DNAH3: variants seen among roughly 807,000 people sequenced by gnomAD.
The protein encoded by DNAH3 is axonemal beta dynein heavy chain 3.
In DNAH3, 332 loss-of-function variants were observed where a neutral mutation model predicts 432.5. The ratio of observed to expected loss-of-function variants is 0.77; its 90% CI spans 0.70 to 0.84. The LOEUF is 0.84. DNAH3 is among the 40% of genes least tolerant of loss of function. The pLI is 0.00. For synonymous variants in DNAH3, 1,956 were observed against 1,900.2 expected, an observed-to-expected ratio of 1.03 and a Z score of -0.76; for missense variants, 4,861 against 5,114.0, an observed-to-expected ratio of 0.95 and a Z score of 1.51.
At chr16:21,104,547 T>A in exon 16 of DNAH3, 1 of 1,613,964 alleles carries the variant, frequency 6.2e-7, no homozygotes, top group Non-Finnish European at 8.5e-7. Context: ...ATATCTTCAA[T>A]CTGGTCTGGC....
intron 19 of DNAH3, among the ~76,000 whole-genome samples, chr16:21,083,932 T>C (rs2091278593): frequency 6.6e-6 from 1 of 152,186 alleles, no homozygotes; most frequent in South Asian, 2.1e-4. Context: ...GGCTTCCATT[T>C]AGGGGCTCAC....
At chr16:20,999,613 G>A (rs1332310549) in intron 43 of DNAH3, among the ~76,000 whole-genome samples, 1 of 152,178 alleles carries the variant, frequency 6.6e-6, no homozygotes, top group Non-Finnish European at 1.5e-5. Context: ...GCTCCAGAAT[G>A]TTCTAGATAT....
rs2152647189 is a variant in DNAH3, at chr16:20,975,225, C to G, written c.8259+8G>C. On this transcript the variant is annotated splice_region_variant and intron_variant, in intron 51 of 61. Transcript: ENST00000261383. ...CCAGTTCCCTCCCTTTCTTCTCAGT[C>G]TTTCTACCTTGATTCCTTGGGCAAT... 1 of 1,612,598 alleles carries G rather than the reference C, an allele frequency of 6.2e-7. No homozygotes were observed. The highest frequency in any genetic ancestry group is 1.1e-5 in the South Asian group (1 of 90,960).
At chr16:20,945,424 G>GT (rs1410859730) in intron 57 of DNAH3, among the ~76,000 whole-genome samples, 1 of 151,708 alleles carries the variant, frequency 6.6e-6, no homozygotes, top group Non-Finnish European at 1.5e-5. Context: ...AGAAATAACT[G>GT]TAAGTATAAT....
intron 25 of DNAH3, among the ~76,000 whole-genome samples, chr16:21,060,892 C>T (rs1458854624): frequency 6.9e-6 from 1 of 144,906 alleles, no homozygotes; most frequent in Non-Finnish European, 1.5e-5. Flanking sequence ...GACTGGAGTG[C>T]GGTGGCACGA....
At chr16:21,024,980 A>G (rs969290073) in intron 38 of DNAH3, among the ~76,000 whole-genome samples, 2 of 152,204 alleles carry the variant, frequency 1.3e-5, no homozygotes, top group Admixed American at 1.3e-4. Context: ...GCTGGAGTAC[A>G]GTGGTGCAAT....
chr16:21,142,980 T>G (rs746046351), intron 3 of DNAH3, among the ~76,000 whole-genome samples: 89 of 152,190 alleles, frequency 5.8e-4, no homozygotes, highest in Non-Finnish European at 7.8e-4. Flanking sequence ...AATAAATTTT[T>G]AAGATCCTCC....
exon 53 of DNAH3, chr16:20,963,962 T>C (rs2084937152): frequency 1.2e-6 from 2 of 1,614,128 alleles, no homozygotes; most frequent in Non-Finnish European, 1.7e-6. Context: ...AGGTCCGAGA[T>C]ACAAAAGAAG....
At chr16:20,962,860 T>C (rs757994518) in intron 53 of DNAH3, among the ~76,000 whole-genome samples, 2 of 152,176 alleles carry the variant, frequency 1.3e-5, no homozygotes, top group Non-Finnish European at 2.9e-5. Context: ...GGTCTCACTA[T>C]GTTGCCCAGG....
At chr16:21,121,342 C>T (rs1200220129) in intron 10 of DNAH3, among the ~76,000 whole-genome samples, 3 of 152,176 alleles carry the variant, frequency 2.0e-5, no homozygotes, top group African/African-American at 7.2e-5. Context: ...CTGGAAAGGG[C>T]GTGGGCCAGG....
intron 53 of DNAH3, 147 bp downstream of exon 53, chr16:20,963,137 C>T (rs770424619): frequency 1.1e-4 from 79 of 738,252 alleles, no homozygotes; most frequent in Middle Eastern, 7.7e-4. Flanking sequence ...CAGAAAAGGA[C>T]GAGTTCCGTG....
At chr16:21,134,454 A>T (rs1398228319) in exon 7 of DNAH3, 26 of 1,613,576 alleles carry the variant, frequency 1.6e-5, no homozygotes, top group Non-Finnish European at 2.2e-5. Context: ...GATGTAATCA[A>T]CTACAACCGG....
At chr16:21,037,617 C>G (rs1270446283) in intron 34 of DNAH3, 144 bp downstream of exon 34, 3 of 657,860 alleles carry the variant, frequency 4.6e-6, no homozygotes, top group Non-Finnish European at 8.0e-6. Context: ...TATTATTTAA[C>G]ATTTGCAGGG....
chr16:20,958,657 A>G (rs753879269), intron 54 of DNAH3, among the ~76,000 whole-genome samples: 10 of 152,016 alleles, frequency 6.6e-5, no homozygotes, highest in Admixed American at 5.2e-4. Context: ...GACTTCCCCA[A>G]CCTTCCCATC....
chr16:20,941,534 C>T (rs752490065), exon 59 of DNAH3: 1 of 1,614,116 alleles, frequency 6.2e-7, no homozygotes. Context: ...GCCAACTCCT[C>T]AACCACTTCC....
rs111248590 is a variant in DNAH3, at chr16:21,153,566, C to T, written c.117+5759G>A. 3.8e-3 allele frequency among the ~76,000 whole-genome samples: 573 copies of T among 152,296 alleles called. 3 individuals are homozygous for T. The highest frequency in any genetic ancestry group is 0.011 in the African/African-American group (468 of 41,560). The stretch of plus-strand genomic sequence containing the variant: ...CAGCAGTGGCAAGCCGCTTGATCCC[C>T]TTCTACAACGTGGAAGGTTTGTTCT... On this transcript the variant is annotated intron_variant, in intron 1 of 61. Transcript: ENST00000261383.
At chr16:21,126,676 T>C (rs994248676) in intron 8 of DNAH3, among the ~76,000 whole-genome samples, 6 of 152,156 alleles carry the variant, frequency 3.9e-5, no homozygotes, top group Admixed American at 3.9e-4. Context: ...GGAACCAGGC[T>C]GCACAGCAGG....
chr16:20,983,282 C>A (rs574844540), intron 48 of DNAH3, among the ~76,000 whole-genome samples: 20 of 152,202 alleles, frequency 1.3e-4, no homozygotes, highest in African/African-American at 4.8e-4. Flanking sequence ...CCCACCACCA[C>A]TTCCAGCTAA....
intron 56 of DNAH3, among the ~76,000 whole-genome samples, 155 bp from the exon 57 acceptor site, chr16:20,948,792 G>C (rs772838161): frequency 1.3e-5 from 2 of 152,064 alleles, no homozygotes; most frequent in Non-Finnish European, 2.9e-5. Context: ...GAAGATGGCG[G>C]GTCCCCTGCA....
Sources: allele counts gnomAD v4.1 joint callset (sites outside exome capture counted in the v4.1 genomes callset), GRCh38; gene constraint gnomAD v4.1.1; transcripts MANE v1.5; gene names NCBI Gene and HGNC (gene_info 2026-07-23, HGNC 2026-07-21).